The following ZNF667 variants were observed in gnomAD, a reference collection of about 807,000 sequenced individuals.
The protein encoded by ZNF667 is myocardial ischemic preconditioning upregulated 1 ortholog.
A neutral mutation model predicts 31.8 loss-of-function variants in ZNF667; 13 were observed. The observed-to-expected ratio is 0.41, with a 90% confidence interval of 0.27 to 0.65. ZNF667 has a LOEUF of 0.65. Ranked by LOEUF, ZNF667 falls within the 30% of genes least tolerant of loss-of-function variation. ZNF667 has a pLI of 0.32. For synonymous variants in ZNF667, 228 were observed against 247.1 expected, an observed-to-expected ratio of 0.92 and a Z score of 0.73; for missense variants, 642 against 725.6, an observed-to-expected ratio of 0.88 and a Z score of 1.32.
At chr19:56,449,197 C>T (rs1600409605) in intron 6 of ZNF667, 1 of 379,944 alleles carries the variant, frequency 2.6e-6, no homozygotes, top group South Asian at 2.0e-5. Flanking sequence ...AGGACTAGTA[C>T]AAACAAGCCC....
intron 6 of ZNF667, among the ~76,000 whole-genome samples, chr19:56,448,152 CAA>C (rs975543321): frequency 1.3e-4 from 20 of 152,036 alleles, no homozygotes; most frequent in African/African-American, 4.8e-4. Flanking sequence ...AGCATGGCAA[CAA>C]GAGAGAATCT....
At chr19:56,451,886 A>C (rs1600416286) in intron 6 of ZNF667, among the ~76,000 whole-genome samples, 2 of 103,066 alleles carry the variant, frequency 1.9e-5, no homozygotes, top group Admixed American at 9.7e-5. Context: ...AAAAAAAAAA[A>C]AAAAAAAAAA....
At chr19:56,469,923 C>T (rs1019445232) in intron 3 of ZNF667, 4 of 493,382 alleles carry the variant, frequency 8.1e-6, no homozygotes, top group South Asian at 1.5e-5. Flanking sequence ...CCCACTAAAC[C>T]GGGGTAGGGG....
upstream of ZNF667, chr19:56,478,074 C>T (rs766034349): frequency 6.6e-6 from 1 of 152,380 alleles, no homozygotes; most frequent in African/African-American, 2.4e-5. Flanking sequence ...TTGCGTGGCG[C>T]TCGGACTACA....
chr19:56,455,329 C>G (rs185958129), intron 6 of ZNF667, among the ~76,000 whole-genome samples: 1 of 152,032 alleles, frequency 6.6e-6, no homozygotes, highest in Non-Finnish European at 1.5e-5. Context: ...GGTATATACC[C>G]CCCCAAAAAA....
chr19:56,441,197 G>A lies in ZNF667; in HGVS notation c.1798C>T (p.Arg600Ter), dbSNP rs368179934. Reference protein sequence around the residue: ...KAYSRSSSLIRHQNTHSEEKA With the variant: ...KAYSRSSSLI ...TCTTCAGAATGTGTATTCTGATGTCGAATCAGGGATGAACTCCGACTATAT... is the reference window on the plus strand; with the variant it reads ...TCTTCAGAATGTGTATTCTGATGTCAAATCAGGGATGAACTCCGACTATAT... Residue 600 changes from arginine (R) to a stop codon, truncating the protein, a stop_gained, in exon 7 of 7, where the codon CGA becomes TGA. Coordinates refer to ENST00000504904, the MANE Select transcript of ZNF667 (RefSeq NM_001321356.2). LOFTEE classifies it high-confidence loss of function. The surrounding 1 kb of genome is among the most constrained non-coding windows in gnomAD (Gnocchi z 4.2). The A allele has an allele frequency of 7.8e-5, 126 of 1,612,490 alleles. No individual in the cohort carries two copies. Among genetic ancestry groups the A allele is most frequent in the Non-Finnish European group, 1.0e-4 (118 of 1,178,934 alleles).
At position 56,456,378 on chromosome 19, in the gene ZNF667, G is replaced by A. The variant is rs773436599; in HGVS notation, c.253+1777C>T. Among the ~76,000 whole-genome samples, 3 of 152,192 alleles carry A rather than the reference G, an allele frequency of 2.0e-5. No homozygotes were observed. The East Asian group carries it at 5.8e-4, about 29-fold the overall frequency. ...AAACTGGTCACAGCTTTCAGGAGCTGTGTCCCTGTGCAGTCACACAGGCTG... is the reference window on the plus strand; with the variant it reads ...AAACTGGTCACAGCTTTCAGGAGCTATGTCCCTGTGCAGTCACACAGGCTG... On this transcript the variant is annotated intron_variant, in intron 6 of 6. Transcript: ENST00000504904.
rs560339319 is a variant in ZNF667, at chr19:56,454,623, C to A, written c.253+3532G>T. On this transcript the variant is annotated intron_variant, in intron 6 of 6. Coordinates refer to ENST00000504904, the MANE Select transcript of ZNF667 (RefSeq NM_001321356.2). ...AAATTGTGCTGGAAAAACTGGATAT[C>A]CACATGCAGAAGACACTAGACTCCA... 8.7e-5 allele frequency among the ~76,000 whole-genome samples: 12 copies of A among 137,642 alleles called. No individual in the cohort carries two copies. The South Asian group carries it at 2.8e-3, about 33-fold the overall frequency. The allele number at this position is 137,642 out of a possible 152,430, so 90.3% of individuals were successfully genotyped here. A position where few individuals can be genotyped will look rare whatever the true frequency, so the allele number is the denominator to read the frequency against.
At chr19:56,457,660 G>A (rs2042961845) in intron 6 of ZNF667, among the ~76,000 whole-genome samples, 1 of 152,140 alleles carries the variant, frequency 6.6e-6, no homozygotes, top group Non-Finnish European at 1.5e-5. Flanking sequence ...CTCTGTACAG[G>A]CCTGGAGCCT....
At chr19:56,459,562 C>T (rs562691930) in intron 5 of ZNF667, among the ~76,000 whole-genome samples, 8 of 152,158 alleles carry the variant, frequency 5.3e-5, no homozygotes, top group Non-Finnish European at 5.9e-5. Context: ...TTCCTTAAAG[C>T]GCTAAAAACC....
intron 2 of ZNF667, among the ~76,000 whole-genome samples, chr19:56,473,493 G>A (rs183090677): frequency 1.3e-5 from 2 of 152,318 alleles, no homozygotes; most frequent in East Asian, 3.9e-4. Context: ...TGCATATAAT[G>A]AGACACCACA....
At chr19:56,459,170 A>C (rs2042993135) in intron 5 of ZNF667, among the ~76,000 whole-genome samples, 1 of 152,162 alleles carries the variant, frequency 6.6e-6, no homozygotes, top group Admixed American at 6.5e-5. Flanking sequence ...TGGTTGTTTA[A>C]ATCTCACATG....
chr19:56,442,249 A>G lies in ZNF667; in HGVS notation c.746T>C (p.Val249Ala), dbSNP rs1166555384. 6.2e-7 allele frequency: 1 copy of G among 1,614,136 alleles called. No homozygotes were observed. The highest frequency in any genetic ancestry group is 8.5e-7 in the Non-Finnish European group (1 of 1,180,014). Residue 249 changes from valine to alanine, a missense_variant, in exon 7 of 7, where the codon GTT becomes GCT. Transcript: ENST00000504904. ...CTTTCTGCACTGGCAGACATTCCCA[A>G]CAACATGAATTTTCTGATGTATATT... The part of the protein sequence containing the change: ...SFNIHQKIHV[V>A]GNVCQCRKCG...
At chr19:56,469,246 C>A (rs1000810506) in intron 3 of ZNF667, among the ~76,000 whole-genome samples, 9 of 152,168 alleles carry the variant, frequency 5.9e-5, no homozygotes, top group Non-Finnish European at 1.3e-4. Flanking sequence ...GCACACACAC[C>A]CACGCACGCA....
At chr19:56,460,616 T>C in intron 5 of ZNF667, 73 bp downstream of exon 5, 1 of 1,499,376 alleles carries the variant, frequency 6.7e-7, no homozygotes, top group Non-Finnish European at 8.9e-7. Flanking sequence ...GCTTCCATTT[T>C]CCTGACTAGA....
At chr19:56,474,405 G>A (rs1300145683) in intron 1 of ZNF667, 1 of 152,226 alleles carries the variant, frequency 6.6e-6, no homozygotes, top group Non-Finnish European at 1.5e-5. Context: ...CAGAGGCCAG[G>A]GACATACGTA....
upstream of ZNF667, chr19:56,477,376 C>G (rs1268784091): frequency 1.3e-5 from 2 of 151,670 alleles, no homozygotes; most frequent in Non-Finnish European, 1.5e-5. Context: ...GCGCGCTGCA[C>G]CCCCCTTCAC....
intron 3 of ZNF667, among the ~76,000 whole-genome samples, chr19:56,470,477 G>A (rs1465697650): frequency 1.3e-5 from 2 of 152,100 alleles, no homozygotes; most frequent in East Asian, 3.9e-4. Flanking sequence ...CTTCCATCGC[G>A]GGGATGAGAG....
At position 56,469,726 on chromosome 19, in the gene ZNF667, G is replaced by C. The variant is rs545392996; in HGVS notation, c.-60+1973C>G. ...AGCAGCTCTTATCGTGGTGTAACTC[G>C]CTGCAGAATTTGCTTATTATGCTTA... On this transcript the variant is annotated intron_variant, in intron 3 of 6. Coordinates refer to ENST00000504904, the MANE Select transcript of ZNF667 (RefSeq NM_001321356.2). Among the ~76,000 whole-genome samples, 15 of 152,154 alleles carry C rather than the reference G, an allele frequency of 9.9e-5. 1 individual carries two copies. Among genetic ancestry groups the C allele is most frequent in the Middle Eastern group, 6.8e-3 (2 of 294 alleles).
Sources: allele counts gnomAD v4.1 joint callset (sites outside exome capture counted in the v4.1 genomes callset), GRCh38; gene constraint gnomAD v4.1.1; non-coding constraint Gnocchi (gnomAD v3.1); transcripts MANE v1.5; gene names NCBI Gene and HGNC (gene_info 2026-07-23, HGNC 2026-07-21).